Variants in PCDHGC5 observed in about 807,000 individuals in gnomAD.
PCDHGC5 encodes protocadherin gamma-C5.
Under a neutral mutation model 59.0 loss-of-function variants are expected in PCDHGC5, and 25 were observed. The ratio of observed to expected loss-of-function variants is 0.42; its 90% CI spans 0.31 to 0.59. The LOEUF is 0.59. Among genes scored for constraint, PCDHGC5 ranks in the 20% least tolerant of loss-of-function variants. The pLI is 0.13. For synonymous variants in PCDHGC5, 434 were observed against 505.5 expected, an observed-to-expected ratio of 0.86 and a Z score of 1.90; for missense variants, 1,067 against 1,206.4, an observed-to-expected ratio of 0.88 and a Z score of 1.71.
At chr5:141,506,188 C>T (rs925159785) in intron 3 of PCDHGC5, among the ~76,000 whole-genome samples, 2 of 152,058 alleles carry the variant, frequency 1.3e-5, no homozygotes, top group African/African-American at 4.8e-5. Flanking sequence ...TGGTGGCTCA[C>T]GCCTGTAATC....
chr5:141,499,089 A>G (rs1417307590), intron 2 of PCDHGC5, among the ~76,000 whole-genome samples: 2 of 152,116 alleles, frequency 1.3e-5, no homozygotes, highest in Non-Finnish European at 1.5e-5. Context: ...CCTGCTTGGC[A>G]CATGCTTCTC....
intron 3 of PCDHGC5, among the ~76,000 whole-genome samples, chr5:141,509,164 C>A (rs1454864362): frequency 6.6e-6 from 1 of 152,188 alleles, no homozygotes; most frequent in Non-Finnish European, 1.5e-5. Context: ...TCCCGTGTGC[C>A]CTCCTCCTCT....
At position 141,505,908 on chromosome 5, in the gene PCDHGC5, T is replaced by C. The variant is rs114551975; in HGVS notation, c.2608+427T>C. On this transcript the variant is annotated intron_variant, in intron 3 of 3. Coordinates refer to ENST00000252087, the MANE Select transcript of PCDHGC5 (RefSeq NM_018929.3). ...TTAAATGAGATGATACCACAAAGCATAGAGTTCTGGGCCTGGCGCTTGGAA... is the reference window on the plus strand; with the variant it reads ...TTAAATGAGATGATACCACAAAGCACAGAGTTCTGGGCCTGGCGCTTGGAA... 4.0e-3 allele frequency among the ~76,000 whole-genome samples: 608 copies of C among 152,218 alleles called. 3 individuals are homozygous for C. The highest frequency in any genetic ancestry group is 0.013 in the African/African-American group (551 of 41,540).
At chr5:141,502,499 C>A (rs552402476) in intron 2 of PCDHGC5, among the ~76,000 whole-genome samples, 12 of 152,122 alleles carry the variant, frequency 7.9e-5, no homozygotes, top group Non-Finnish European at 2.9e-5. Flanking sequence ...CATCTAACGT[C>A]GGCCTGTCCC....
chr5:141,499,721 G>GTC (rs1434016871), intron 2 of PCDHGC5, among the ~76,000 whole-genome samples: 69 of 135,416 alleles, frequency 5.1e-4, no homozygotes, highest in African/African-American at 1.9e-3. Flanking sequence ...TGGAGACAGA[G>GTC]TCTCACTCTC....
At chr5:141,501,305 A>G (rs2099807563) in intron 2 of PCDHGC5, among the ~76,000 whole-genome samples, 1 of 151,322 alleles carries the variant, frequency 6.6e-6, no homozygotes, top group African/African-American at 2.4e-5. Flanking sequence ...ACACACACAC[A>G]CACACACACA....
At chr5:141,503,332 C>T (rs536647792) in intron 2 of PCDHGC5, among the ~76,000 whole-genome samples, 5 of 152,074 alleles carry the variant, frequency 3.3e-5, no homozygotes, top group Admixed American at 6.5e-5. Context: ...CGCGGTGGCT[C>T]ACGCCTGTAA....
Position 141,490,849 on chromosome 5 carries a change from C to A in PCDHGC5, c.1609C>A (p.Arg537=), listed in dbSNP as rs200640560. The A allele has an allele frequency of 6.2e-7, 1 of 1,613,748 alleles. No individual in the cohort carries two copies. Among genetic ancestry groups the A allele is most frequent in the Non-Finnish European group, 8.5e-7 (1 of 1,179,862 alleles). Residue 537 remains arginine, a synonymous_variant, in exon 1 of 4, where the codon CGA becomes AGA. Coordinates refer to ENST00000252087, the MANE Select transcript of PCDHGC5 (RefSeq NM_018929.3). This position sits in a 1 kb window ranked among gnomAD's most constrained non-coding sequence, Gnocchi z 5.4. ...GATGCTGCAGATTGTGGTGGGGGTT[C>A]GAGACTCCGGCTCTCCCCCATTGCA... ...LQMLQIVVGV[R]DSGSPPLHAN... is the part of the protein sequence containing the mutation.
In PCDHGC5 at chr5:141,491,867, T is replaced by A. The variant is rs1424221139; in HGVS notation, c.2460+167T>A. On this transcript the variant is annotated intron_variant, in intron 1 of 3. Transcript: ENST00000252087. The surrounding 1 kb of genome is among the most constrained non-coding windows in gnomAD (Gnocchi z 6.9). ...TTGGACCGTTTGCGCGAAACCAGAG[T>A]GGCCGATTAAGGGATGGGGCTCCGA... 6.9e-7 allele frequency: 1 copy of A among 1,452,218 alleles called. No homozygotes were observed. The highest frequency in any genetic ancestry group is 9.1e-7 in the Non-Finnish European group (1 of 1,099,056). The allele number at this position is 1,452,218 out of a possible 1,614,324, so 90.0% of individuals were successfully genotyped here. A position where few individuals can be genotyped will look rare whatever the true frequency, so the allele number is the denominator to read the frequency against.
At position 141,491,121 on chromosome 5, in the gene PCDHGC5, G is replaced by T. The variant is rs1176877834; in HGVS notation, c.1881G>T (p.Glu627Asp). Residue 627 changes from glutamate to aspartate, a missense_variant, in exon 1 of 4, where the codon GAG becomes GAT. Transcript: ENST00000252087. The surrounding 1 kb of genome is among the most constrained non-coding windows in gnomAD (Gnocchi z 6.9). ...TCCTCGTGTCTACACACACTGGTGA[G>T]GTGCGCACAGCCCGGGCCTTACTGG... Reference protein sequence around the residue: ...GLFLVSTHTGEVRTARALLED... With the variant: ...GLFLVSTHTGDVRTARALLED... 5 of 1,614,200 alleles carry T rather than the reference G, an allele frequency of 3.1e-6. No individual in the cohort carries two copies. In the South Asian group the frequency reaches 5.5e-5, roughly 18 times the overall value.
chr5:141,489,666 C>A lies in PCDHGC5; in HGVS notation c.426C>A (p.Ile142=). The change falls in exon 1 of 4, where the codon ATC becomes ATA. Residue 142 remains isoleucine (I), a synonymous_variant. Transcript: ENST00000252087. The surrounding 1 kb of genome is among the most constrained non-coding windows in gnomAD (Gnocchi z 4.5). ...CCACCCCTGAGCGAGAGATGCGCAT[C>A]TCAGAATCAGCAGCATCTGGGGCAC... ...SFATPEREMR[I]SESAASGARF... is the part of the protein sequence containing the mutation. 1.2e-6 allele frequency: 2 copies of A among 1,614,222 alleles called. No homozygotes were observed. Among genetic ancestry groups the A allele is most frequent in the Non-Finnish European group, 1.7e-6 (2 of 1,180,036 alleles).
intron 1 of PCDHGC5, among the ~76,000 whole-genome samples, chr5:141,492,824 C>T (rs1027583244): frequency 4.6e-5 from 7 of 152,236 alleles, no homozygotes. Context: ...ACCAGCGGCC[C>T]CTTCCTCCCG....
rs1225265096 is a variant in PCDHGC5 at position 141,490,666 on chromosome 5, G to A, written c.1426G>A (p.Val476Met). Reference sequence around the variant, plus strand: ...GCCTCCGGGCTCCCTTCTTTGCACTGTGGCTGCCTCAGATCCAGACACTGG... The same window carrying A: ...GCCTCCGGGCTCCCTTCTTTGCACTATGGCTGCCTCAGATCCAGACACTGG... ...NRPPGSLLCT[V>M]AASDPDTGDN... The change falls in exon 1 of 4, where the codon GTG becomes ATG. Residue 476 changes from valine (V) to methionine (M), a missense_variant. By Grantham distance (21) the Val-to-Met change is conservative. Coordinates refer to ENST00000252087, the MANE Select transcript of PCDHGC5 (RefSeq NM_018929.3). The surrounding 1 kb of genome is among the most constrained non-coding windows in gnomAD (Gnocchi z 5.4). The A allele has an allele frequency of 1.2e-6, 2 of 1,614,134 alleles. No homozygotes were observed. The highest frequency in any genetic ancestry group is 3.3e-5 in the Admixed American group (2 of 60,026).
In PCDHGC5 at chr5:141,501,310, C is replaced by T. The variant is rs958976594; in HGVS notation, c.2520-4083C>T. ...CCTTATACACACACACACACACACA[C>T]ACACACACACACACACACACACACC... On this transcript the variant is annotated intron_variant, in intron 2 of 3. Transcript: ENST00000252087. Among the ~76,000 whole-genome samples, 4 of 151,684 alleles carry T rather than the reference C, an allele frequency of 2.6e-5. No individual in the cohort carries two copies. The South Asian group carries it at 8.3e-4, about 32-fold the overall frequency.
Position 141,489,640 on chromosome 5 carries a change from G to A in PCDHGC5, c.400G>A (p.Ala134Thr). The A allele has an allele frequency of 1.2e-6, 2 of 1,614,146 alleles. No individual in the cohort carries two copies. Among genetic ancestry groups the A allele is most frequent in the Non-Finnish European group, 1.7e-6 (2 of 1,180,010 alleles). ...LDLNDNSPSF[A>T]TPEREMRISE... Reference sequence around the variant, plus strand: ...TCTCAATGACAACTCTCCTAGCTTTGCCACCCCTGAGCGAGAGATGCGCAT... The same window carrying A: ...TCTCAATGACAACTCTCCTAGCTTTACCACCCCTGAGCGAGAGATGCGCAT... Residue 134 changes from alanine (A) to threonine (T), a missense_variant, in exon 1 of 4, where the codon GCC (alanine) becomes ACC (threonine). Physicochemically the swap from Ala to Thr is moderately conservative, Grantham distance 58. Transcript: ENST00000252087. The surrounding 1 kb of genome is among the most constrained non-coding windows in gnomAD (Gnocchi z 4.5).
intron 2 of PCDHGC5, among the ~76,000 whole-genome samples, chr5:141,501,061 G>T (rs746369272): frequency 1.5e-4 from 23 of 152,118 alleles, no homozygotes; most frequent in Non-Finnish European, 2.1e-4. Flanking sequence ...TAGAGACGGG[G>T]TTTCACCATG....
Position 141,491,916 on chromosome 5 carries a change from G to T in PCDHGC5, c.2460+216G>T. ...GAGCACCGGGGGTGGTGGCGACTGT[G>T]GGCGAGGGGAGGTGGGACCGACCCC... On this transcript the variant is annotated intron_variant, in intron 1 of 3. Transcript: ENST00000252087. The surrounding 1 kb of genome is among the most constrained non-coding windows in gnomAD (Gnocchi z 6.9). 2 of 1,386,662 alleles carry T rather than the reference G, an allele frequency of 1.4e-6. No homozygotes were observed. Among genetic ancestry groups the T allele is most frequent in the African/African-American group, 1.5e-5 (1 of 68,510 alleles). The allele number at this position is 1,386,662 out of a possible 1,614,324, so 85.9% of individuals were successfully genotyped here.
Position 141,489,585 on chromosome 5 carries a change from G to C in PCDHGC5, c.345G>C (p.Glu115Asp). The C allele has an allele frequency of 6.2e-7, 1 of 1,614,090 alleles. No individual in the cohort carries two copies. The change falls in exon 1 of 4, where the codon GAG becomes GAC. Residue 115 changes from glutamate (E) to aspartate (D), a missense_variant. Transcript: ENST00000252087. This position sits in a 1 kb window ranked among gnomAD's most constrained non-coding sequence, Gnocchi z 4.5. The part of the protein sequence containing the change: ...PVQVVTEHPL[E>D]LIRVEVEILD... ...AGGTGGTGACTGAACACCCCCTGGA[G>C]CTAATCCGTGTAGAGGTAGAGATCC...
intron 3 of PCDHGC5, 157 bp downstream of exon 3, chr5:141,505,638 T>C: frequency 1.0e-6 from 1 of 968,044 alleles, no homozygotes; most frequent in Non-Finnish European, 1.2e-6. Context: ...ACATAAAGCC[T>C]GGAATTGTGG....
Sources: allele counts gnomAD v4.1 joint callset (sites outside exome capture counted in the v4.1 genomes callset), GRCh38; gene constraint gnomAD v4.1.1; non-coding constraint Gnocchi (gnomAD v3.1); transcripts MANE v1.5; gene names NCBI Gene and HGNC (gene_info 2026-07-23, HGNC 2026-07-21).